KIAA0319: variants seen among roughly 807,000 people sequenced by gnomAD.
KIAA0319 encodes KIAA0319.
KIAA0319 carries 83 observed loss-of-function variants against 108.4 expected under a neutral mutation model. That is an observed-to-expected ratio of 0.77 (90% CI 0.64 to 0.92). The LOEUF (loss-of-function observed/expected upper bound fraction) is 0.92, where lower values mean the gene tolerates loss of function less well. Among genes scored for constraint, KIAA0319 ranks in the 40% least tolerant of loss-of-function variants. The pLI, the probability that KIAA0319 is intolerant of heterozygous loss-of-function variation, is 0.00. For synonymous variants in KIAA0319, 484 were observed against 510.4 expected (o/e 0.95, Z 0.70); for missense variants, 1,195 against 1,322.4 (o/e 0.90, Z 1.49).
At chr6:24,603,782 CATTCT>C (rs1446410403) in intron 1 of KIAA0319, among the ~76,000 whole-genome samples, 1 of 152,202 alleles carries the variant, frequency 6.6e-6, no homozygotes, top group Non-Finnish European at 1.5e-5. Flanking sequence ...AAACACATAA[CATTCT>C]CTTAAGATGG....
At chr6:24,621,541 A>G (rs571773893) in intron 1 of KIAA0319, among the ~76,000 whole-genome samples, 22 of 152,352 alleles carry the variant, frequency 1.4e-4, no homozygotes, top group East Asian at 5.8e-4. Flanking sequence ...GCTCAAAATA[A>G]AAAAGAAAAC....
intron 11 of KIAA0319, among the ~76,000 whole-genome samples, chr6:24,571,383 A>C (rs1182220668): frequency 2.6e-5 from 4 of 151,492 alleles, no homozygotes; most frequent in African/African-American, 9.7e-5. Context: ...TCTCACAAAA[A>C]AAAAAAAAAA....
chr6:24,576,326 A>G (rs1765501626), intron 10 of KIAA0319, 42 bp downstream of exon 10: 1 of 1,517,128 alleles, frequency 6.6e-7, no homozygotes, highest in Non-Finnish European at 9.2e-7. Context: ...GTAGACAGAC[A>G]GACAGACAGA....
At chr6:24,575,531 C>T (rs1040115057) in intron 10 of KIAA0319, among the ~76,000 whole-genome samples, 10 of 152,134 alleles carry the variant, frequency 6.6e-5, no homozygotes, top group African/African-American at 2.2e-4. Context: ...CAAGGATATC[C>T]AGACAACTCA....
At chr6:24,622,624 C>T (rs1324927636) in intron 1 of KIAA0319, among the ~76,000 whole-genome samples, 2 of 152,126 alleles carry the variant, frequency 1.3e-5, no homozygotes, top group Non-Finnish European at 2.9e-5. Context: ...TATTAAGTAC[C>T]TCCTATGTGT....
At chr6:24,616,063 T>C (rs1312896840) in intron 1 of KIAA0319, among the ~76,000 whole-genome samples, 1 of 152,220 alleles carries the variant, frequency 6.6e-6, no homozygotes, top group African/African-American at 2.4e-5. Context: ...TCAAAGTGAA[T>C]AATTTTTCCA....
chr6:24,606,610 T>C (rs539163220), intron 1 of KIAA0319, among the ~76,000 whole-genome samples: 7 of 152,336 alleles, frequency 4.6e-5, no homozygotes, highest in African/African-American at 1.4e-4. Flanking sequence ...AAGGTGACTG[T>C]GGCAAAGATT....
At chr6:24,554,679 G>T in intron 18 of KIAA0319, 48 bp from the exon 19 acceptor site, 1 of 1,306,126 alleles carries the variant, frequency 7.7e-7, no homozygotes, top group Non-Finnish European at 1.1e-6. Context: ...GCTATTTGTA[G>T]AACAACTTTA....
intron 1 of KIAA0319, among the ~76,000 whole-genome samples, chr6:24,636,142 T>C (rs1776176987): frequency 2.0e-5 from 3 of 152,194 alleles, no homozygotes; most frequent in Admixed American, 2.0e-4. Context: ...AAATGGAACA[T>C]ATATACATGC....
downstream of KIAA0319, among the ~76,000 whole-genome samples, chr6:24,542,056 C>T (rs760655216): frequency 2.0e-4 from 31 of 152,354 alleles, no homozygotes; most frequent in Middle Eastern, 3.4e-3. Flanking sequence ...ACAAGAATCA[C>T]TTGAACTGCC....
intron 1 of KIAA0319, among the ~76,000 whole-genome samples, chr6:24,623,762 A>G (rs1774292040): frequency 6.6e-6 from 1 of 152,196 alleles, no homozygotes. Context: ...GCATTTCAAA[A>G]TAGCTAAAAG....
Position 24,629,514 on chromosome 6 carries a change from CAAAA to C in KIAA0319, c.-106+16218_-106+16221del, listed in dbSNP as rs397974257. 1.2e-4 allele frequency among the ~76,000 whole-genome samples: 5 copies of C among 42,398 alleles called. 1 individual carries two copies. Among genetic ancestry groups the C allele is most frequent in the East Asian group, 2.4e-3 (2 of 838 alleles). The allele number at this position is 42,398 out of a possible 152,430, so 27.8% of individuals were successfully genotyped here. On this transcript the variant is annotated intron_variant, in intron 1 of 20. Transcript: ENST00000378214. Reference sequence around the variant, plus strand: ...TGGGCAACAGAGTGAGACTCTGTCTCAAAAAAAAAAAAAAAAAGAAAGAAAACTC... The same window carrying C: ...TGGGCAACAGAGTGAGACTCTGTCTCAAAAAAAAAAAAAGAAAGAAAACTC...
chr6:24,633,296 T>C (rs1775807335), intron 1 of KIAA0319, among the ~76,000 whole-genome samples: 1 of 152,142 alleles, frequency 6.6e-6, no homozygotes, highest in South Asian at 2.1e-4. Context: ...GCATTCCCAA[T>C]ATGCAAGAGG....
At chr6:24,590,164 G>A (rs759255143) in intron 3 of KIAA0319, among the ~76,000 whole-genome samples, 2 of 152,060 alleles carry the variant, frequency 1.3e-5, no homozygotes, top group Non-Finnish European at 2.9e-5. Context: ...AAGTCCATAA[G>A]GATATGGCAT....
At chr6:24,582,421 A>G in intron 5 of KIAA0319, 75 bp from the exon 6 acceptor site, 1 of 866,130 alleles carries the variant, frequency 1.2e-6, no homozygotes, top group South Asian at 1.3e-5. Flanking sequence ...AGGGAAGATG[A>G]CAGCCTTTAA....
chr6:24,606,960 A>T (rs1771499491), intron 1 of KIAA0319, among the ~76,000 whole-genome samples: 1 of 152,224 alleles, frequency 6.6e-6, no homozygotes, highest in Non-Finnish European at 1.5e-5. Context: ...GTCCTTGAAG[A>T]CATGGGACTG....
intron 2 of KIAA0319, chr6:24,598,655 C>A: frequency 3.4e-6 from 1 of 296,264 alleles, no homozygotes; most frequent in Non-Finnish European, 6.6e-6. Context: ...GTGGGTGGAT[C>A]ACCTGAGGAT....
chr6:24,611,773 C>A lies in KIAA0319; in HGVS notation c.-105-10565G>T, dbSNP rs193004646. On this transcript the variant is annotated intron_variant, in intron 1 of 20. Coordinates refer to ENST00000378214, the MANE Select transcript of KIAA0319 (RefSeq NM_014809.4). The stretch of plus-strand genomic sequence containing the variant: ...AAATACATTAAAAGATGTTCAGGCC[C>A]GGGGGCACAGTTGCTCACCCCTGTA... 6.2e-4 allele frequency among the ~76,000 whole-genome samples: 94 copies of A among 151,758 alleles called. 3 individuals carry two copies. The highest frequency in any genetic ancestry group is 2.6e-4 in the Admixed American group (4 of 15,254).
At chr6:24,564,908 T>C (rs539632695) in intron 14 of KIAA0319, among the ~76,000 whole-genome samples, 2 of 152,268 alleles carry the variant, frequency 1.3e-5, no homozygotes, top group South Asian at 2.1e-4. Context: ...TAGAGGCTAA[T>C]CCCCCATCTA....
Sources: allele counts gnomAD v4.1 joint callset (sites outside exome capture counted in the v4.1 genomes callset), GRCh38; gene constraint gnomAD v4.1.1; transcripts MANE v1.5; gene names NCBI Gene and HGNC (gene_info 2026-07-23, HGNC 2026-07-21).